IGF2BP3: variants seen among roughly 807,000 people sequenced by gnomAD.
IGF2BP3 encodes the protein insulin like growth factor 2 mRNA binding protein 3, also known as insulin-like growth factor 2 mRNA-binding protein 3.
IGF2BP3 carries 9 observed loss-of-function variants against 73.8 expected under a neutral mutation model. That is an observed-to-expected ratio of 0.12 (90% CI 0.07 to 0.21). The LOEUF (loss-of-function observed/expected upper bound fraction) is 0.21, where lower values mean the gene tolerates loss of function less well. Among genes scored for constraint, IGF2BP3 ranks in the 10% least tolerant of loss-of-function variants. The pLI is 1.00. For synonymous variants in IGF2BP3, 258 were observed against 256.7 expected (o/e 1.01, Z -0.05); for missense variants, 542 against 714.0 (o/e 0.76, Z 2.75).
intron 3 of IGF2BP3, among the ~76,000 whole-genome samples, chr7:23,403,529 A>T (rs1471966057): frequency 6.6e-6 from 1 of 152,224 alleles, no homozygotes; most frequent in African/African-American, 2.4e-5. Context: ...GATCTCAATA[A>T]AAACACTGAT....
Position 23,447,051 on chromosome 7 carries a change from A to C in IGF2BP3, c.236+21431T>G, listed in dbSNP as rs556593266. On this transcript the variant is annotated intron_variant, in intron 2 of 14. Coordinates refer to ENST00000258729, the MANE Select transcript of IGF2BP3 (RefSeq NM_006547.3). Reference sequence around the variant, plus strand: ...AACCTCATCTCTACTAAAAATACAAAAAATTAGTCAAGTGCAGTGGCGGGC... The same window carrying C: ...AACCTCATCTCTACTAAAAATACAACAAATTAGTCAAGTGCAGTGGCGGGC... 2.6e-5 allele frequency among the ~76,000 whole-genome samples: 4 copies of C among 152,148 alleles called. No individual in the cohort carries two copies. The South Asian group carries it at 8.3e-4, about 32-fold the overall frequency.
intron 3 of IGF2BP3, among the ~76,000 whole-genome samples, chr7:23,393,963 C>T (rs1377950244): frequency 1.3e-5 from 2 of 152,044 alleles, no homozygotes; most frequent in Non-Finnish European, 2.9e-5. Flanking sequence ...TAGGAGGGTA[C>T]ACAAATCCAT....
At position 23,318,947 on chromosome 7, in the gene IGF2BP3, CCTAA is replaced by C. The variant is rs1244292371; in HGVS notation, c.1320+187_1320+190del. ...CAACACCCAGCCCGGATGTTCACCT[CCTAA>C]CTGTGTTTTCTGCACAGAGAAGTTA... On this transcript the variant is annotated intron_variant, in intron 11 of 14. Coordinates refer to ENST00000258729, the MANE Select transcript of IGF2BP3 (RefSeq NM_006547.3). Among the ~76,000 whole-genome samples, 17 of 152,344 alleles carry C rather than the reference CCTAA, an allele frequency of 1.1e-4. No homozygotes were observed. The South Asian group carries it at 2.3e-3, about 20-fold the overall frequency.
chr7:23,325,814 A>T (rs965885059), intron 10 of IGF2BP3, among the ~76,000 whole-genome samples: 2 of 152,218 alleles, frequency 1.3e-5, no homozygotes, highest in Non-Finnish European at 2.9e-5. Context: ...CCTGAGAAAA[A>T]CAAGCAATGG....
chr7:23,355,229 T>A (rs1403164537), intron 5 of IGF2BP3, among the ~76,000 whole-genome samples: 1 of 151,636 alleles, frequency 6.6e-6, no homozygotes, highest in Admixed American at 6.6e-5. Context: ...ATTTTTATTT[T>A]TTTTTTTTTT....
intron 5 of IGF2BP3, among the ~76,000 whole-genome samples, chr7:23,355,634 G>C (rs1785077783): frequency 6.6e-6 from 1 of 152,008 alleles, no homozygotes; most frequent in South Asian, 2.1e-4. Flanking sequence ...TAAATGTATT[G>C]ATAAGAAGTT....
At chr7:23,468,659 G>C in intron 1 of IGF2BP3, 117 bp from the exon 2 acceptor site, 1 of 1,015,136 alleles carries the variant, frequency 9.9e-7, no homozygotes, top group Non-Finnish European at 1.5e-6. Context: ...AAGGGCCCCC[G>C]AGGCCCGGAC....
intron 3 of IGF2BP3, among the ~76,000 whole-genome samples, chr7:23,398,049 T>C (rs1308928586): frequency 6.6e-6 from 1 of 151,122 alleles, no homozygotes; most frequent in African/African-American, 2.4e-5. Flanking sequence ...TATCTCCAAA[T>C]GCTATCCCTC....
intron 3 of IGF2BP3, among the ~76,000 whole-genome samples, chr7:23,408,119 G>A (rs1786902820): frequency 6.6e-6 from 1 of 152,072 alleles, no homozygotes; most frequent in Admixed American, 6.6e-5. Context: ...CTGATAAAGA[G>A]TATCTACAAA....
intron 3 of IGF2BP3, among the ~76,000 whole-genome samples, chr7:23,375,754 C>T (rs994453518): frequency 6.6e-6 from 1 of 152,144 alleles, no homozygotes; most frequent in African/African-American, 2.4e-5. Context: ...GCATTTTACC[C>T]ACTACCCCTA....
intron 3 of IGF2BP3, among the ~76,000 whole-genome samples, chr7:23,369,593 TG>T (rs1043152909): frequency 5.3e-5 from 8 of 151,824 alleles, no homozygotes; most frequent in Non-Finnish European, 8.8e-5. Context: ...CAGAATAAAC[TG>T]CAAGAAATTT....
intron 2 of IGF2BP3, among the ~76,000 whole-genome samples, chr7:23,431,842 TTCTC>T (rs377418639): frequency 4.7e-5 from 7 of 148,960 alleles, no homozygotes; most frequent in South Asian, 2.2e-4. Context: ...CACACACACA[TTCTC>T]TCTCTCTCTT....
chr7:23,455,398 C>A (rs762480760), intron 2 of IGF2BP3, among the ~76,000 whole-genome samples: 1 of 152,180 alleles, frequency 6.6e-6, no homozygotes, highest in African/African-American at 2.4e-5. Flanking sequence ...TGGGTGCACA[C>A]GGTTATTAGC....
At chr7:23,362,729 A>T (rs1429746382) in intron 3 of IGF2BP3, 1 of 152,170 alleles carries the variant, frequency 6.6e-6, no homozygotes, top group Non-Finnish European at 1.5e-5. Context: ...CTTACTCATC[A>T]GTTTAACTAC....
chr7:23,356,307 T>G (rs1010689384), intron 5 of IGF2BP3, among the ~76,000 whole-genome samples: 6 of 151,962 alleles, frequency 3.9e-5, no homozygotes, highest in African/African-American at 1.2e-4. Flanking sequence ...CCTCTAATTC[T>G]AGCACTCTGG....
chr7:23,460,178 C>CAAAAAAAAAAAA lies in IGF2BP3; in HGVS notation c.236+8292_236+8303dup, dbSNP rs757381858. On this transcript the variant is annotated intron_variant, in intron 2 of 14. Coordinates refer to ENST00000258729, the MANE Select transcript of IGF2BP3 (RefSeq NM_006547.3). Reference sequence around the variant, plus strand: ...TGGGCAACCGTGCGAGACCCTGCCTCAAAAAAAAAAAAAAAAAACAAAAAC... The same window carrying CAAAAAAAAAAAA: ...TGGGCAACCGTGCGAGACCCTGCCTCAAAAAAAAAAAAAAAAAAAAAAAAAAAAAACAAAAAC... Among the ~76,000 whole-genome samples the CAAAAAAAAAAAA allele has an allele frequency of 1.8e-4, 10 of 55,170 alleles. 2 individuals are homozygous for CAAAAAAAAAAAA. The highest frequency in any genetic ancestry group is 3.7e-4 in the African/African-American group (5 of 13,600). 36.2% of individuals were successfully genotyped at this position (55,170 alleles called of 152,430 possible). A position where few individuals can be genotyped will look rare whatever the true frequency, so the allele number is the denominator to read the frequency against.
At chr7:23,388,378 G>A (rs924568450) in intron 3 of IGF2BP3, among the ~76,000 whole-genome samples, 1 of 152,094 alleles carries the variant, frequency 6.6e-6, no homozygotes, top group Non-Finnish European at 1.5e-5. Flanking sequence ...GTATTCAACT[G>A]ACAATGCACA....
chr7:23,379,571 G>C (rs779589562), intron 3 of IGF2BP3, among the ~76,000 whole-genome samples: 3 of 152,116 alleles, frequency 2.0e-5, no homozygotes, highest in Admixed American at 6.5e-5. Context: ...GAGAAGTTAT[G>C]GTTAGCAGAA....
At chr7:23,361,125 A>G (rs1181193855) in intron 5 of IGF2BP3, among the ~76,000 whole-genome samples, 2 of 152,196 alleles carry the variant, frequency 1.3e-5, no homozygotes, top group Non-Finnish European at 2.9e-5. Flanking sequence ...GAGTAAGAAG[A>G]CTTATCATTT....
Sources: allele counts gnomAD v4.1 joint callset (sites outside exome capture counted in the v4.1 genomes callset), GRCh38; gene constraint gnomAD v4.1.1; transcripts MANE v1.5; gene names NCBI Gene and HGNC (gene_info 2026-07-23, HGNC 2026-07-21).